The following PRR5 variants were observed in gnomAD, a reference collection of about 807,000 sequenced individuals.
PRR5 encodes the protein proline-rich protein 5.
In PRR5, 25 loss-of-function variants were observed where a neutral mutation model predicts 30.6. That is an observed-to-expected ratio of 0.82 (90% CI 0.60 to 1.14). PRR5 has a LOEUF of 1.14. Ranked by LOEUF, PRR5 falls within the 50% of genes most tolerant of loss-of-function variation. The pLI, the probability that PRR5 is intolerant of heterozygous loss-of-function variation, is 0.00. For synonymous variants in PRR5, 286 were observed against 247.1 expected, an observed-to-expected ratio of 1.16 and a Z score of -1.48; for missense variants, 600 against 547.1, an observed-to-expected ratio of 1.10 and a Z score of -0.96.
At position 44,737,083 on chromosome 22, in the gene PRR5, C is replaced by G; in HGVS notation, c.1003C>G (p.Pro335Ala). The G allele has an allele frequency of 6.2e-7, 1 of 1,611,370 alleles. No homozygotes were observed. The highest frequency in any genetic ancestry group is 8.5e-7 in the Non-Finnish European group (1 of 1,179,800). The change falls in exon 8 of 8, where the codon CCC (proline) becomes GCC (alanine). Residue 335 changes from proline (P) to alanine (A), a missense_variant. By Grantham distance (27) the Pro-to-Ala change is conservative. Transcript: ENST00000336985. The stretch of plus-strand genomic sequence containing the variant: ...CCAGCCCCCTGAGCAGGGCTTGGAT[C>G]CCACCCGCAGCTCCCTGCCCCGCTC... ...TTQPPEQGLDPTRSSLPRSSP... is the reference protein window; with the variant it reads ...TTQPPEQGLDATRSSLPRSSP...
chr22:44,675,265 AAAAG>A (rs1402925505), upstream of PRR5, among the ~76,000 whole-genome samples: 11 of 152,162 alleles, frequency 7.2e-5, no homozygotes, highest in African/African-American at 2.4e-4. Context: ...AAAAAGAAAA[AAAAG>A]AAAGAAAGAA....
intron 1 of PRR5, among the ~76,000 whole-genome samples, chr22:44,682,339 A>C (rs544986605): frequency 6.6e-6 from 1 of 151,866 alleles, no homozygotes; most frequent in Non-Finnish European, 1.5e-5. Flanking sequence ...GGTGGAGAGA[A>C]TGGGGGGAGG....
chr22:44,709,649 C>T (rs1053982438), intron 1 of PRR5, among the ~76,000 whole-genome samples: 3 of 152,098 alleles, frequency 2.0e-5, no homozygotes, highest in Admixed American at 6.6e-5. Context: ...GTCAGGAGTT[C>T]GAGATCAGCC....
At chr22:44,682,025 G>C (rs1402749294) in intron 1 of PRR5, among the ~76,000 whole-genome samples, 1 of 152,224 alleles carries the variant, frequency 6.6e-6, no homozygotes, top group African/African-American at 2.4e-5. Flanking sequence ...AGCACAGAGG[G>C]AACCTGCTCC....
At chr22:44,698,095 T>G (rs1445624119), upstream of PRR5, among the ~76,000 whole-genome samples, 1 of 152,170 alleles carries the variant, frequency 6.6e-6, no homozygotes, top group African/African-American at 2.4e-5. Flanking sequence ...TGAGCCAGGC[T>G]TAGGGATTGC....
At chr22:44,712,323 TCAGCCTGTG>T (rs1308038551) in intron 1 of PRR5, among the ~76,000 whole-genome samples, 1 of 152,210 alleles carries the variant, frequency 6.6e-6, no homozygotes, top group Non-Finnish European at 1.5e-5. Context: ...GAGCTGGATC[TCAGCCTGTG>T]GCCGGGCCAG....
intron 2 of PRR5, among the ~76,000 whole-genome samples, chr22:44,721,208 A>G (rs965439573): frequency 6.6e-6 from 1 of 152,184 alleles, no homozygotes; most frequent in African/African-American, 2.4e-5. Flanking sequence ...AAAAGCAGAG[A>G]TTTATTGAAA....
In PRR5 at chr22:44,737,071, C is replaced by G; in HGVS notation, c.991C>G (p.Gln331Glu). The G allele has an allele frequency of 6.2e-7, 1 of 1,610,624 alleles. No homozygotes were observed. The change falls in exon 8 of 8, where the codon CAG (glutamine) becomes GAG (glutamate). Residue 331 changes from glutamine to glutamate, a missense_variant. Physicochemically the swap from Gln to Glu is conservative, Grantham distance 29 (BLOSUM62 2). Coordinates refer to ENST00000336985, the MANE Select transcript of PRR5 (RefSeq NM_181333.4). Reference sequence around the variant, plus strand: ...GTACCCCACGACCCAGCCCCCTGAGCAGGGCTTGGATCCCACCCGCAGCTC... The same window carrying G: ...GTACCCCACGACCCAGCCCCCTGAGGAGGGCTTGGATCCCACCCGCAGCTC... The part of the protein sequence containing the change: ...RLYPTTQPPE[Q>E]GLDPTRSSLP...
intron 2 of PRR5, among the ~76,000 whole-genome samples, chr22:44,720,763 G>C (rs1039630076): frequency 2.6e-5 from 4 of 152,182 alleles, no homozygotes; most frequent in Non-Finnish European, 5.9e-5. Flanking sequence ...CCGTGCAAAT[G>C]GGGGGATGCT....
chr22:44,695,385 G>C (rs994881132), intron 1 of PRR5, among the ~76,000 whole-genome samples: 3 of 152,190 alleles, frequency 2.0e-5, no homozygotes, highest in Admixed American at 6.6e-5. Flanking sequence ...TCAATAACAA[G>C]GGTGGCACCA....
upstream of PRR5, among the ~76,000 whole-genome samples, chr22:44,674,738 A>T (rs1923624350): frequency 6.6e-6 from 1 of 151,678 alleles, no homozygotes; most frequent in African/African-American, 2.4e-5. Flanking sequence ...AAAAAAAAAT[A>T]GTTCAAGACC....
chr22:44,690,873 G>C (rs1015832988), intron 1 of PRR5, among the ~76,000 whole-genome samples: 1 of 152,100 alleles, frequency 6.6e-6, no homozygotes, highest in Admixed American at 6.5e-5. Context: ...GGCCTGGCAG[G>C]GCGTGGCGGG....
Position 44,678,620 on chromosome 22 carries a change from G to C in PRR5, c.-11+1380G>C, listed in dbSNP as rs568565521. On this transcript the variant is annotated intron_variant, in intron 1 of 8. Coordinates refer to the PRR5 transcript ENST00000006251. ...GTGAGCCACCGCGCCCTGCCTGCTA[G>C]TTCTTTAAGCCGCTGCTGGAAGGCA... Among the ~76,000 whole-genome samples, 45 of 152,246 alleles carry C rather than the reference G, an allele frequency of 3.0e-4. 1 individual carries two copies. In the South Asian group the frequency reaches 9.1e-3, roughly 31 times the overall value.
chr22:44,707,563 C>T (rs1409148638), intron 1 of PRR5, among the ~76,000 whole-genome samples: 1 of 152,222 alleles, frequency 6.6e-6, no homozygotes, highest in Non-Finnish European at 1.5e-5. Flanking sequence ...CTGCCTCCCC[C>T]AGCCCCATAG....
At chr22:44,734,264 C>G (rs1186006499) in intron 6 of PRR5, 1 of 152,134 alleles carries the variant, frequency 6.6e-6, no homozygotes, top group African/African-American at 2.4e-5. Flanking sequence ...GAGCGAAACT[C>G]TGTCTCAAAA....
At chr22:44,728,355 C>T (rs1035670054) in intron 4 of PRR5, among the ~76,000 whole-genome samples, 2 of 152,252 alleles carry the variant, frequency 1.3e-5, no homozygotes, top group African/African-American at 2.4e-5. Context: ...GCTCTGTCCA[C>T]TTGAGTGTTC....
chr22:44,704,684 C>T (rs1447758206), intron 1 of PRR5, among the ~76,000 whole-genome samples: 2 of 152,020 alleles, frequency 1.3e-5, no homozygotes, highest in Admixed American at 6.5e-5. Flanking sequence ...ACTGACTTTG[C>T]CACTCTCCTA....
chr22:44,698,246 T>C (rs1925939125), upstream of PRR5, among the ~76,000 whole-genome samples: 1 of 152,138 alleles, frequency 6.6e-6, no homozygotes, highest in African/African-American at 2.4e-5. Context: ...ACGTGGTTGA[T>C]GCCATCGGGC....
intron 1 of PRR5, among the ~76,000 whole-genome samples, chr22:44,681,740 A>G (rs1304136456): frequency 1.3e-5 from 2 of 152,196 alleles, no homozygotes. Flanking sequence ...CTGCTGGGAA[A>G]GAGCAGCCAC....
Sources: gnomAD v4.1 joint callset for allele counts (sites outside exome capture counted in the v4.1 genomes callset) on GRCh38, gnomAD v4.1.1 for gene constraint, MANE v1.5 for transcripts, NCBI Gene and HGNC (gene_info 2026-07-23, HGNC 2026-07-21) for gene names.